The following GLIPR1L1 variants were observed in gnomAD, a reference collection of about 807,000 sequenced individuals.
The protein encoded by GLIPR1L1 is GLIPR1 like 1, also known as GLIPR1-like protein 1.
In GLIPR1L1, 26 loss-of-function variants were observed where a neutral mutation model predicts 29.9. The ratio of observed to expected loss-of-function variants is 0.87; its 90% confidence interval spans 0.64 to 1.21. The LOEUF (loss-of-function observed/expected upper bound fraction) is 1.21. Ranked by LOEUF, GLIPR1L1 falls within the 50% of genes most tolerant of loss-of-function variation. The probability of loss-of-function intolerance (pLI) is 0.00; values close to 1 mark genes in which losing one functional copy is unlikely to be tolerated. For missense variants in GLIPR1L1, 305 were observed against 290.3 expected, an observed-to-expected ratio of 1.05 and a Z score of -0.37; for synonymous variants, 77 against 97.5, an observed-to-expected ratio of 0.79 and a Z score of 1.24.
At chr12:75,344,917 T>C (rs569169924) in intron 2 of GLIPR1L1, among the ~76,000 whole-genome samples, 1 of 152,280 alleles carries the variant, frequency 6.6e-6, no homozygotes, top group African/African-American at 2.4e-5. Flanking sequence ...CTGAGAATTA[T>C]GAAGTTGTCC....
At chr12:75,357,578 A>G (rs932176529) in intron 3 of GLIPR1L1, among the ~76,000 whole-genome samples, 2 of 152,120 alleles carry the variant, frequency 1.3e-5, no homozygotes, top group South Asian at 4.1e-4. Context: ...TGTACATGAA[A>G]TATTTAATAA....
chr12:75,356,874 T>C (rs1450773683), intron 3 of GLIPR1L1, among the ~76,000 whole-genome samples: 2 of 152,116 alleles, frequency 1.3e-5, no homozygotes, highest in African/African-American at 4.8e-5. Flanking sequence ...GAAAAAAGTT[T>C]ACCATGCTAA....
At chr12:75,346,191 T>C (rs1355234604) in intron 2 of GLIPR1L1, among the ~76,000 whole-genome samples, 1 of 152,226 alleles carries the variant, frequency 6.6e-6, no homozygotes, top group Admixed American at 6.5e-5. Context: ...ATGTAGTTAG[T>C]TATTCATAAG....
chr12:75,344,178 G>C (rs971170169), intron 2 of GLIPR1L1, among the ~76,000 whole-genome samples: 1 of 151,980 alleles, frequency 6.6e-6, no homozygotes, highest in Admixed American at 6.6e-5. Context: ...TTAGAAGAAT[G>C]TTGGCCATTG....
rs201399852 is a variant in GLIPR1L1, at chr12:75,343,943, A to G, written c.420+5A>G. 2.5e-3 allele frequency: 3,992 copies of G among 1,593,464 alleles called. 106 individuals carry two copies. The South Asian group carries it at 0.042, about 17-fold the overall frequency. On this transcript the variant is annotated splice_donor_5th_base_variant and intron_variant, in intron 2 of 5. Transcript: ENST00000378695. ...GTCTGTGGCCATTATACACAGGTAA[A>G]TATTTGACATCTTTATTGATTAGTT...
intron 1 of GLIPR1L1, among the ~76,000 whole-genome samples, chr12:75,342,373 G>A (rs921788382): frequency 2.0e-5 from 3 of 151,960 alleles, no homozygotes; most frequent in African/African-American, 7.3e-5. Flanking sequence ...ATTACCATTG[G>A]GAAAAGTAGG....
intron 3 of GLIPR1L1, chr12:75,359,836 G>A (rs1482210715): frequency 6.6e-6 from 1 of 152,120 alleles, no homozygotes; most frequent in Non-Finnish European, 1.5e-5. Context: ...GATCGTTGAT[G>A]TATTTGTTCA....
At chr12:75,340,567 TA>T (rs1341875317) in intron 1 of GLIPR1L1, among the ~76,000 whole-genome samples, 10 of 152,056 alleles carry the variant, frequency 6.6e-5, no homozygotes, top group East Asian at 3.9e-4. Flanking sequence ...AAACTATTTT[TA>T]AAAAGTCAAC....
chr12:75,342,559 C>T (rs575269899), intron 1 of GLIPR1L1, among the ~76,000 whole-genome samples: 1 of 152,162 alleles, frequency 6.6e-6, no homozygotes, highest in African/African-American at 2.4e-5. Flanking sequence ...TATTTGTCTA[C>T]CCTTGTGTCA....
In GLIPR1L1 at chr12:75,343,735, A is replaced by G; in HGVS notation, c.217A>G (p.Asn73Asp). Reference sequence around the variant, plus strand: ...AGCAAAGATGGCTAAAGCATGGGCAAACCAGTGCAAATTTGAACATAATGA... The same window carrying G: ...AGCAAAGATGGCTAAAGCATGGGCAGACCAGTGCAAATTTGAACATAATGA... Reference protein sequence around the residue: ...GLAKMAKAWANQCKFEHNDCL... With the variant: ...GLAKMAKAWADQCKFEHNDCL... Residue 73 changes from asparagine to aspartate, a missense_variant, in exon 2 of 6, where the codon AAC becomes GAC. Asn to Asp is a conservative substitution (Grantham distance 23). Transcript: ENST00000378695. 2 of 1,612,772 alleles carry G rather than the reference A, an allele frequency of 1.2e-6. No individual in the cohort carries two copies. Among genetic ancestry groups the G allele is most frequent in the Non-Finnish European group, 1.7e-6 (2 of 1,178,982 alleles).
At chr12:75,341,221 A>T (rs2042082897) in intron 1 of GLIPR1L1, among the ~76,000 whole-genome samples, 1 of 152,182 alleles carries the variant, frequency 6.6e-6, no homozygotes, top group South Asian at 2.1e-4. Context: ...GACTCTATAC[A>T]TGTTTGTAAT....
intron 4 of GLIPR1L1, among the ~76,000 whole-genome samples, chr12:75,364,611 A>G (rs2043841809): frequency 1.3e-5 from 2 of 152,226 alleles, no homozygotes; most frequent in African/African-American, 4.8e-5. Context: ...CAAAAACACA[A>G]AGGTGAAGAT....
At chr12:75,343,604 T>G (rs2042258193) in intron 1 of GLIPR1L1, 89 bp from the exon 2 acceptor site, 5 of 1,006,432 alleles carry the variant, frequency 5.0e-6, no homozygotes, top group African/African-American at 1.6e-5. Context: ...AATAATAAAT[T>G]TAAGCAAAAC....
chr12:75,354,365 A>G (rs147119600), intron 3 of GLIPR1L1, among the ~76,000 whole-genome samples: 1 of 152,222 alleles, frequency 6.6e-6, no homozygotes, highest in Non-Finnish European at 1.5e-5. Flanking sequence ...CAAATCATGA[A>G]TAAATTCCCA....
At chr12:75,354,513 T>A (rs879726527) in intron 3 of GLIPR1L1, among the ~76,000 whole-genome samples, 12 of 152,356 alleles carry the variant, frequency 7.9e-5, no homozygotes, top group Non-Finnish European at 1.6e-4. Context: ...CATTGCATGT[T>A]CATGGATAGT....
At chr12:75,362,868 T>C (rs1015412837) in intron 3 of GLIPR1L1, among the ~76,000 whole-genome samples, 33 of 152,300 alleles carry the variant, frequency 2.2e-4, no homozygotes, top group Admixed American at 2.0e-3. Flanking sequence ...GGTTCACATC[T>C]CATTATTCTT....
At chr12:75,358,423 T>C (rs1409063810) in intron 3 of GLIPR1L1, among the ~76,000 whole-genome samples, 1 of 151,646 alleles carries the variant, frequency 6.6e-6, no homozygotes, top group Non-Finnish European at 1.5e-5. Context: ...CATTTTACAT[T>C]CTAAAATGAA....
chr12:75,357,610 T>C (rs1037151769), intron 3 of GLIPR1L1, among the ~76,000 whole-genome samples: 3 of 152,080 alleles, frequency 2.0e-5, no homozygotes, highest in South Asian at 2.1e-4. Context: ...TGCTATGTCA[T>C]AAAACAGATC....
chr12:75,339,735 T>G, intron 1 of GLIPR1L1, among the ~76,000 whole-genome samples: 1 of 152,194 alleles, frequency 6.6e-6, no homozygotes. Context: ...TACATTTAAG[T>G]CTTTAATCCA....
Sources: allele counts gnomAD v4.1 joint callset (sites outside exome capture counted in the v4.1 genomes callset), GRCh38; gene constraint gnomAD v4.1.1; transcripts MANE v1.5; gene names NCBI Gene and HGNC (gene_info 2026-07-23, HGNC 2026-07-21).